FAM83D: variants seen among roughly 807,000 people sequenced by gnomAD.
FAM83D encodes scaffolding CK1 anchoring protein D, also known as protein FAM83D.
A neutral mutation model predicts 25.4 loss-of-function variants in FAM83D; 26 were observed. That is an observed-to-expected ratio of 1.02 (90% CI 0.75 to 1.42). FAM83D has a LOEUF of 1.42. Ranked by LOEUF, FAM83D falls within the 40% of genes most tolerant of loss-of-function variation. The pLI is 0.00. For missense variants in FAM83D, 740 were observed against 758.1 expected (o/e 0.98, Z 0.28); for synonymous variants, 310 against 318.5 (o/e 0.97, Z 0.28).
intron 1 of FAM83D, among the ~76,000 whole-genome samples, chr20:38,930,747 A>G (rs972984856): frequency 2.6e-5 from 4 of 151,944 alleles, no homozygotes; most frequent in Admixed American, 2.6e-4. Flanking sequence ...TCCCAGGTTC[A>G]AGCGATTCTC....
chr20:38,950,703 C>A (rs896725573), intron 3 of FAM83D, among the ~76,000 whole-genome samples: 1 of 150,054 alleles, frequency 6.7e-6, no homozygotes. Context: ...GTGATAATCC[C>A]TTTATCTGGT....
At chr20:38,950,834 T>G (rs577052160) in intron 3 of FAM83D, among the ~76,000 whole-genome samples, 108 of 148,838 alleles carry the variant, frequency 7.3e-4, no homozygotes, top group Non-Finnish European at 1.2e-3. Context: ...TGAGATGGAG[T>G]CTCGCCCAGT....
At position 38,929,005 on chromosome 20, in the gene FAM83D, C is replaced by T. The variant is rs150575986; in HGVS notation, c.483+2080C>T. 2.9e-4 allele frequency among the ~76,000 whole-genome samples: 44 copies of T among 152,034 alleles called. 1 individual carries two copies. In the East Asian group the frequency reaches 7.0e-3, roughly 24 times the overall value. ...CAGCCTGGCCAACATCGTGAAACCCCGTCTCTACTAAAAATACAAAAATTA... is the reference window on the plus strand; with the variant it reads ...CAGCCTGGCCAACATCGTGAAACCCTGTCTCTACTAAAAATACAAAAATTA... On this transcript the variant is annotated intron_variant, in intron 1 of 3. Transcript: ENST00000619850.
chr20:38,935,210 A>T (rs1265356148), intron 1 of FAM83D, among the ~76,000 whole-genome samples: 2 of 152,208 alleles, frequency 1.3e-5, no homozygotes, highest in African/African-American at 2.4e-5. Context: ...TGTTTTACAT[A>T]CTTATAAAAT....
intron 2 of FAM83D, 155 bp downstream of exon 2, chr20:38,942,281 T>A: frequency 1.3e-6 from 1 of 757,272 alleles, no homozygotes; most frequent in Non-Finnish European, 2.2e-6. Flanking sequence ...AAACAAACAG[T>A]ACCTGTGACC....
chr20:38,944,161 C>T (rs921001020), intron 2 of FAM83D, among the ~76,000 whole-genome samples: 1 of 152,118 alleles, frequency 6.6e-6, no homozygotes, highest in African/African-American at 2.4e-5. Flanking sequence ...GTCAGCAAAA[C>T]GAATTTAGTC....
chr20:38,940,476 C>A (rs976206377), intron 1 of FAM83D, among the ~76,000 whole-genome samples: 1 of 152,158 alleles, frequency 6.6e-6, no homozygotes, highest in Non-Finnish European at 1.5e-5. Context: ...CATTCAAGAG[C>A]CTTTGCTGCA....
chr20:38,930,230 C>T (rs2085653331), intron 1 of FAM83D, among the ~76,000 whole-genome samples: 1 of 152,166 alleles, frequency 6.6e-6, no homozygotes, highest in African/African-American at 2.4e-5. Context: ...CATCCGTGTT[C>T]TGATAGCAAA....
chr20:38,943,773 T>A (rs1474349178), intron 2 of FAM83D, among the ~76,000 whole-genome samples: 2 of 152,020 alleles, frequency 1.3e-5, no homozygotes, highest in Non-Finnish European at 2.9e-5. Flanking sequence ...TCACTGCAAC[T>A]TCTGCCTCCC....
At chr20:38,932,920 G>A (rs6028209) in intron 1 of FAM83D, among the ~76,000 whole-genome samples, 32 of 152,286 alleles carry the variant, frequency 2.1e-4, no homozygotes, top group African/African-American at 6.7e-4. Flanking sequence ...GGATCATTGC[G>A]TTCCCAGAGA....
rs371843745 is a variant in FAM83D at position 38,947,864 on chromosome 20, C to A, written c.652-12C>A. The A allele has an allele frequency of 5.6e-6, 9 of 1,613,390 alleles. No homozygotes were observed. Among genetic ancestry groups the A allele is most frequent in the Non-Finnish European group, 7.6e-6 (9 of 1,179,624 alleles). On this transcript the variant is annotated splice_polypyrimidine_tract_variant and intron_variant, in intron 2 of 3. Coordinates refer to ENST00000619850, the MANE Select transcript of FAM83D (RefSeq NM_030919.3). ...ATTGTTCATTTATATTTCTCCCACT[C>A]CCTGCCAACAGTTAATGACAGTTCG...
chr20:38,930,995 C>G (rs1194967298), intron 1 of FAM83D, among the ~76,000 whole-genome samples: 3 of 152,168 alleles, frequency 2.0e-5, no homozygotes, highest in Non-Finnish European at 4.4e-5. Flanking sequence ...GTGTTGAACT[C>G]CTGGGCTCAA....
chr20:38,941,309 A>T lies in FAM83D; in HGVS notation c.484-650A>T, dbSNP rs372712412. Among the ~76,000 whole-genome samples, 34 of 152,296 alleles carry T rather than the reference A, an allele frequency of 2.2e-4. No individual in the cohort carries two copies. The South Asian group carries it at 6.4e-3, about 29-fold the overall frequency. Reference sequence around the variant, plus strand: ...GGTAGAAAGAACAGAATGTTAACAAATATGGTATGCAGTGTTAGGGAGGCA... The same window carrying T: ...GGTAGAAAGAACAGAATGTTAACAATTATGGTATGCAGTGTTAGGGAGGCA... On this transcript the variant is annotated intron_variant, in intron 1 of 3. Transcript: ENST00000619850.
intron 1 of FAM83D, among the ~76,000 whole-genome samples, chr20:38,928,202 G>C (rs1469460604): frequency 6.6e-6 from 1 of 152,254 alleles, no homozygotes; most frequent in Non-Finnish European, 1.5e-5. Context: ...TAAAGCCCCA[G>C]CCATGTTAAG....
At chr20:38,933,181 C>T (rs368325461) in intron 1 of FAM83D, among the ~76,000 whole-genome samples, 2 of 152,152 alleles carry the variant, frequency 1.3e-5, no homozygotes, top group African/African-American at 2.4e-5. Flanking sequence ...CATTGTAGGA[C>T]GTTGAGTAGC....
chr20:38,926,830 C>G lies in FAM83D; in HGVS notation c.388C>G (p.Arg130Gly). The G allele has an allele frequency of 6.5e-7, 1 of 1,534,154 alleles. No homozygotes were observed. Among genetic ancestry groups the G allele is most frequent in the Non-Finnish European group, 8.7e-7 (1 of 1,145,640 alleles). The change falls in exon 1 of 4, where the codon CGT becomes GGT. Residue 130 changes from arginine to glycine, a missense_variant. Around this residue, in one of 3 missense-constraint regions of FAM83D, gnomAD observed 333 missense variants for 298.6 expected, o/e 1.12. Transcript: ENST00000619850. The part of the protein sequence containing the change: ...FYQGAYRGAT[R>G]VETHFQPRGA... Reference sequence around the variant, plus strand: ...CCAGGGCGCCTACCGCGGCGCCACGCGTGTCGAGACGCACTTCCAGCCCCG... The same window carrying G: ...CCAGGGCGCCTACCGCGGCGCCACGGGTGTCGAGACGCACTTCCAGCCCCG...
rs1225595025 is a variant in FAM83D at position 38,926,622 on chromosome 20, G to C, written c.180G>C (p.Leu60=). The C allele has an allele frequency of 6.5e-7, 1 of 1,540,584 alleles. No homozygotes were observed. The highest frequency in any genetic ancestry group is 1.9e-5 in the Admixed American group (1 of 51,406). ...FLRRERLARF[L]NPDEVHAILR... Reference sequence around the variant, plus strand: ...GACGCGAGCGCCTGGCTCGTTTCCTGAACCCCGATGAGGTGCACGCCATTC... The same window carrying C: ...GACGCGAGCGCCTGGCTCGTTTCCTCAACCCCGATGAGGTGCACGCCATTC... Residue 60 remains leucine, a synonymous_variant, in exon 1 of 4, where the codon CTG becomes CTC. Coordinates refer to ENST00000619850, the MANE Select transcript of FAM83D (RefSeq NM_030919.3).
chr20:38,937,981 A>T (rs966329156), intron 1 of FAM83D, among the ~76,000 whole-genome samples: 38 of 152,156 alleles, frequency 2.5e-4, no homozygotes, highest in African/African-American at 8.9e-4. Flanking sequence ...ATAGACGAAT[A>T]TTTTTAAGAG....
In FAM83D at chr20:38,952,083, A is replaced by G. The variant is rs781525198; in HGVS notation, c.1321A>G (p.Thr441Ala). ...SQTTIWSRST[T>A]TQTDMDENIL... ...AACCACGATTTGGTCCAGATCGACC[A>G]CTACTCAGACTGACATGGATGAGAA... The change falls in exon 4 of 4, where the codon ACT becomes GCT. Residue 441 changes from threonine to alanine, a missense_variant. Transcript: ENST00000619850. The G allele has an allele frequency of 1.9e-6, 3 of 1,614,232 alleles. No homozygotes were observed. Among genetic ancestry groups the G allele is most frequent in the South Asian group, 1.1e-5 (1 of 91,088 alleles).
Sources: gnomAD v4.1 joint callset for allele counts (sites outside exome capture counted in the v4.1 genomes callset) on GRCh38, gnomAD v4.1.1 for gene constraint, gnomAD v4.1.1 regional missense constraint, MANE v1.5 for transcripts, NCBI Gene and HGNC (gene_info 2026-07-23, HGNC 2026-07-21) for gene names.